SLA: variants seen among roughly 807,000 people sequenced by gnomAD.
SLA encodes Src like adaptor.
Under a neutral mutation model 30.3 loss-of-function variants are expected in SLA, and 16 were observed. The ratio of observed to expected loss-of-function variants is 0.53; its 90% CI spans 0.36 to 0.80. SLA has a LOEUF of 0.80. Ranked by LOEUF, SLA falls within the 30% of genes least tolerant of loss-of-function variation. The probability of loss-of-function intolerance (pLI) is 0.01; values close to 1 mark genes in which losing one functional copy is unlikely to be tolerated. For synonymous variants in SLA, 143 were observed against 137.8 expected, an observed-to-expected ratio of 1.04 and a Z score of -0.26; for missense variants, 310 against 345.2, an observed-to-expected ratio of 0.90 and a Z score of 0.81.
At chr8:133,050,128 A>G (rs1051457915) in intron 4 of SLA, 140 bp from the exon 5 acceptor site, 1 of 678,630 alleles carries the variant, frequency 1.5e-6, no homozygotes, top group African/African-American at 1.8e-5. Context: ...ACGTTAACCC[A>G]TATTTCGTCA....
Position 133,037,408 on chromosome 8 carries a change from C to T in SLA, c.*1116G>A, listed in dbSNP as rs1837291718. ...GAATAAAGTACCGGGTGAGTTAATT[C>T]TTTAGACTGTATCCATTTCTTTTCT... On this transcript the variant is annotated 3_prime_UTR_variant, in exon 9 of 9. Coordinates refer to ENST00000338087, the MANE Select transcript of SLA (RefSeq NM_001045556.3). 6.6e-6 allele frequency: 1 copy of T among 152,162 alleles called. No homozygotes were observed. Among genetic ancestry groups the T allele is most frequent in the Non-Finnish European group, 1.5e-5 (1 of 68,036 alleles). 9.4% of individuals were successfully genotyped at this position (152,162 alleles called of 1,614,324 possible). A position where few individuals can be genotyped will look rare whatever the true frequency, so the allele number is the denominator to read the frequency against.
At chr8:133,095,305 A>C in intron 1 of SLA, 7 of 1,547,862 alleles carry the variant, frequency 4.5e-6, no homozygotes, top group Middle Eastern at 3.8e-4. Context: ...CCCCAGCCAT[A>C]CCACACATGA....
At chr8:133,061,119 T>C (rs1842313017) in intron 2 of SLA, among the ~76,000 whole-genome samples, 2 of 152,206 alleles carry the variant, frequency 1.3e-5, no homozygotes, top group South Asian at 4.1e-4. Flanking sequence ...CAAGCGATTC[T>C]CCTGCCTCAG....
At chr8:133,072,386 G>A (rs1336874622) in intron 2 of SLA, among the ~76,000 whole-genome samples, 1 of 152,176 alleles carries the variant, frequency 6.6e-6, no homozygotes. Flanking sequence ...GGAGGAAGTC[G>A]ATCACATGAT....
intron 3 of SLA, among the ~76,000 whole-genome samples, chr8:133,057,407 A>G (rs1271324633): frequency 6.6e-6 from 1 of 152,258 alleles, no homozygotes; most frequent in Non-Finnish European, 1.5e-5. Flanking sequence ...AGCAAATTAC[A>G]GAACTACCAG....
intron 8 of SLA, among the ~76,000 whole-genome samples, chr8:133,039,679 C>T (rs941163664): frequency 6.6e-6 from 1 of 152,060 alleles, no homozygotes; most frequent in African/African-American, 2.4e-5. Flanking sequence ...TTTCTAGGAT[C>T]CTAACAATTA....
chr8:133,051,661 C>T (rs776274635), intron 3 of SLA, among the ~76,000 whole-genome samples: 2 of 152,142 alleles, frequency 1.3e-5, no homozygotes, highest in African/African-American at 2.4e-5. Context: ...TGGTTCCTGA[C>T]TGTAGAGGAG....
rs773764179 is a variant in SLA, at chr8:133,038,335, A to T, written c.*189T>A. The stretch of plus-strand genomic sequence containing the variant: ...CGTGATGCCACAGCCCTGATCAGAC[A>T]CCAGGGAGGGGTTCCTTTGGTCATG... On this transcript the variant is annotated 3_prime_UTR_variant, in exon 9 of 9. Coordinates refer to ENST00000338087, the MANE Select transcript of SLA (RefSeq NM_001045556.3). 3.3e-6 allele frequency: 2 copies of T among 606,614 alleles called. No individual in the cohort carries two copies. Among genetic ancestry groups the T allele is most frequent in the Non-Finnish European group, 5.9e-6 (2 of 341,834 alleles). 37.6% of individuals were successfully genotyped at this position (606,614 alleles called of 1,614,324 possible).
chr8:133,069,596 C>T (rs180765028), intron 2 of SLA, among the ~76,000 whole-genome samples: 96 of 152,188 alleles, frequency 6.3e-4, no homozygotes, highest in African/African-American at 2.2e-3. Context: ...GGTGAGTGAC[C>T]GTCTCCCCTA....
intron 3 of SLA, 30 bp from the exon 4 acceptor site, chr8:133,050,945 G>A (rs867115726): frequency 1.1e-5 from 15 of 1,354,024 alleles, no homozygotes; most frequent in Non-Finnish European, 1.6e-5. Flanking sequence ...GGGGAAGGGG[G>A]CAAGGTGCTT....
rs1839746090 is a variant in SLA at position 133,047,878 on chromosome 8, C to T, written c.304G>A (p.Asp102Asn). ...ATCATGAAGGAGCCGACCTTTGTGT[C>T]TGGCAGCTGCAGCAGCTCCTCGGCC... ...DKAEELLQLPDTKVGSFMIRE... is the reference protein window; with the variant it reads ...DKAEELLQLPNTKVGSFMIRE... The change falls in exon 6 of 9, where the codon GAC becomes AAC. Residue 102 changes from aspartate (D) to asparagine (N), a missense_variant. Transcript: ENST00000338087. 6.2e-7 allele frequency: 1 copy of T among 1,613,074 alleles called. No individual in the cohort carries two copies. The highest frequency in any genetic ancestry group is 8.5e-7 in the Non-Finnish European group (1 of 1,179,288).
chr8:133,058,115 C>T (rs1841786778), intron 3 of SLA, among the ~76,000 whole-genome samples: 1 of 152,212 alleles, frequency 6.6e-6, no homozygotes, highest in Non-Finnish European at 1.5e-5. Flanking sequence ...AAAACTCTGA[C>T]CCTGTGCATG....
chr8:133,072,845 C>G (rs538885148), intron 2 of SLA: 64 of 152,206 alleles, frequency 4.2e-4, no homozygotes, highest in African/African-American at 1.4e-3. Context: ...CTGTCTGTTT[C>G]GTTTATATCA....
chr8:133,051,010 T>C, intron 3 of SLA, 95 bp from the exon 4 acceptor site: 56 of 662,838 alleles, frequency 8.4e-5, no homozygotes, highest in Middle Eastern at 2.5e-4. Context: ...GAAGATGAGA[T>C]TTTCCAGCAG....
intron 3 of SLA, among the ~76,000 whole-genome samples, chr8:133,054,845 G>C (rs1190238837): frequency 1.3e-5 from 2 of 152,224 alleles, no homozygotes; most frequent in East Asian, 1.9e-4. Flanking sequence ...TTAGTCAAGA[G>C]AGGACGGGCC....
intron 3 of SLA, among the ~76,000 whole-genome samples, chr8:133,054,990 C>A (rs1029551080): frequency 1.3e-5 from 2 of 152,172 alleles, no homozygotes; most frequent in Non-Finnish European, 2.9e-5. Context: ...CCCAGCCCTA[C>A]AGAAAATACG....
intron 3 of SLA, chr8:133,059,307 T>C: frequency 5.5e-6 from 2 of 363,246 alleles, no homozygotes; most frequent in South Asian, 4.0e-5. Flanking sequence ...CCCCACAATA[T>C]GAGAATTATG....
At chr8:133,083,072 T>G (rs1482793154) in intron 1 of SLA, among the ~76,000 whole-genome samples, 3 of 152,204 alleles carry the variant, frequency 2.0e-5, no homozygotes, top group African/African-American at 7.2e-5. Flanking sequence ...GCTATAGAAA[T>G]AGTTCTGGCC....
chr8:133,087,509 T>C (rs7846474), intron 1 of SLA, among the ~76,000 whole-genome samples: 38,500 of 152,136 alleles, frequency 0.25, 5,152 homozygotes, highest in African/African-American at 0.3. Context: ...GACTTGGCCA[T>C]GTCACTTGTC....
Sources: allele counts gnomAD v4.1 joint callset (sites outside exome capture counted in the v4.1 genomes callset), GRCh38; gene constraint gnomAD v4.1.1; transcripts MANE v1.5; gene names NCBI Gene and HGNC (gene_info 2026-07-23, HGNC 2026-07-21).